PCAT7: variants seen among roughly 807,000 people sequenced by gnomAD.
PCAT7 encodes the protein prostate cancer associated transcript 7 (non-protein coding).
intron 3 of PCAT7, among the ~76,000 whole-genome samples, chr9:94,573,286 T>C (rs905614776): frequency 3.3e-5 from 5 of 152,194 alleles, no homozygotes; most frequent in African/African-American, 1.2e-4. Context: ...AGAGACAGGG[T>C]CTTGCTCTGT....
rs1459789430 is a variant in PCAT7, at chr9:94,558,838, C to G, written n.258-131C>G. 2.6e-6 allele frequency: 3 copies of G among 1,135,628 alleles called. No individual in the cohort carries two copies. The Admixed American group carries it at 6.2e-5, about 23-fold the overall frequency. 70.3% of individuals were successfully genotyped at this position (1,135,628 alleles called of 1,614,324 possible). A position where few individuals can be genotyped will look rare whatever the true frequency, so the allele number is the denominator to read the frequency against. Reference sequence around the variant, plus strand: ...TTCTGTATGTGATTAAGTGGATTTACCTTTTGTATACTCATAGCTACCATC... The same window carrying G: ...TTCTGTATGTGATTAAGTGGATTTAGCTTTTGTATACTCATAGCTACCATC... On this transcript the variant is annotated intron_variant and non_coding_transcript_variant, in intron 1 of 8. Transcript: ENST00000647389.
intron 2 of PCAT7, chr9:94,563,478 G>C: frequency 6.2e-7 from 1 of 1,610,796 alleles, no homozygotes; most frequent in South Asian, 1.1e-5. Flanking sequence ...GACAGAAAGC[G>C]AAGAGACAAG....
At chr9:94,567,704 C>T (rs753676812) in intron 2 of PCAT7, 35 of 326,646 alleles carry the variant, frequency 1.1e-4, no homozygotes, top group Non-Finnish European at 1.6e-4. Flanking sequence ...TGAGGCTCCT[C>T]ATTTATGGTG....
intron 2 of PCAT7, chr9:94,568,510 C>T (rs1251757938): frequency 6.6e-6 from 1 of 152,144 alleles, no homozygotes; most frequent in Admixed American, 6.5e-5. Context: ...GAAACCAGAT[C>T]CATTTTGATG....
chr9:94,568,101 C>G (rs1016363940), intron 2 of PCAT7: 1 of 142,302 alleles, frequency 7.0e-6, no homozygotes, highest in African/African-American at 2.6e-5. Context: ...GCACTCCAGC[C>G]TGGATGACAG....
In PCAT7 at chr9:94,555,676, G is replaced by C. The variant is rs573212311; in HGVS notation, n.257+366G>C. On this transcript the variant is annotated intron_variant and non_coding_transcript_variant, in intron 1 of 8. Coordinates refer to ENST00000647389, the Ensembl canonical transcript of PCAT7. The stretch of plus-strand genomic sequence containing the variant: ...TTGGGTAGAGGAGCAAAAGAAGATA[G>C]CAAGTGGGAGAAGGAAAAAGAGGGT... Among the ~76,000 whole-genome samples, 33 of 151,620 alleles carry C rather than the reference G, an allele frequency of 2.2e-4. 1 individual carries two copies. The highest frequency in any genetic ancestry group is 7.5e-4 in the African/African-American group (31 of 41,340).
At chr9:94,560,432 C>G (rs1290482461) in intron 2 of PCAT7, among the ~76,000 whole-genome samples, 1 of 152,118 alleles carries the variant, frequency 6.6e-6, no homozygotes, top group Non-Finnish European at 1.5e-5. Context: ...AACACACACC[C>G]CCATCACCTT....
At chr9:94,573,467 C>T (rs1230331873) in intron 3 of PCAT7, among the ~76,000 whole-genome samples, 3 of 152,172 alleles carry the variant, frequency 2.0e-5, no homozygotes, top group Non-Finnish European at 2.9e-5. Context: ...CTATGTTGCC[C>T]AGGCTGGTCT....
exon 2 of PCAT7, chr9:94,559,137 G>A: frequency 6.2e-7 from 1 of 1,607,450 alleles, no homozygotes; most frequent in East Asian, 2.2e-5. Context: ...CCGGAGCTGT[G>A]GAGGAACAGA....
intron 2 of PCAT7, among the ~76,000 whole-genome samples, chr9:94,571,115 G>A (rs1827264193): frequency 6.6e-6 from 1 of 152,166 alleles, no homozygotes; most frequent in African/African-American, 2.4e-5. Flanking sequence ...CTGCTCTAAC[G>A]AACCCATGCT....
intron 2 of PCAT7, chr9:94,569,848 C>T (rs1237034123): frequency 3.3e-5 from 5 of 152,258 alleles, no homozygotes; most frequent in Non-Finnish European, 7.3e-5. Context: ...TGCAATCCCA[C>T]AGACCTCACA....
Position 94,559,187 on chromosome 9 carries a change from G to T in PCAT7, n.441+35G>T. 6 of 1,510,102 alleles carry T rather than the reference G, an allele frequency of 4.0e-6. No individual in the cohort carries two copies. In the South Asian group the frequency reaches 4.7e-5, roughly 12 times the overall value. The allele number at this position is 1,510,102 out of a possible 1,614,324, so 93.5% of individuals were successfully genotyped here. ...CTCTGCAAGTGGCCAAATGTCCCGAGCCATGCCCCTAAAGCTGGGGGAGGA... is the reference window on the plus strand; with the variant it reads ...CTCTGCAAGTGGCCAAATGTCCCGATCCATGCCCCTAAAGCTGGGGGAGGA... On this transcript the variant is annotated intron_variant and non_coding_transcript_variant, in intron 2 of 8. Transcript: ENST00000647389.
intron 2 of PCAT7, among the ~76,000 whole-genome samples, chr9:94,565,818 C>CGAGGGCAG (rs1827181013): frequency 6.6e-6 from 1 of 151,752 alleles, no homozygotes; most frequent in Non-Finnish European, 1.5e-5. Context: ...AGGGAGGGAG[C>CGAGGGCAG]GAGGGCAGGA....
intron 1 of PCAT7, among the ~76,000 whole-genome samples, chr9:94,557,472 G>A (rs1322400430): frequency 1.3e-5 from 2 of 152,130 alleles, no homozygotes; most frequent in African/African-American, 4.8e-5. Flanking sequence ...AAATTTTTTG[G>A]TTGTGTAATA....
intron 2 of PCAT7, chr9:94,570,401 T>G (rs1827255183): frequency 6.6e-6 from 1 of 152,246 alleles, no homozygotes; most frequent in African/African-American, 2.4e-5. Flanking sequence ...ACGCCTCACT[T>G]TCCCCATCTG....
At chr9:94,570,438 C>T (rs558811883) in intron 2 of PCAT7, 19 of 152,322 alleles carry the variant, frequency 1.2e-4, no homozygotes, top group Middle Eastern at 3.4e-3. Context: ...TAGGACATAT[C>T]TCATAGGGCC....
intron 2 of PCAT7, chr9:94,563,231 C>T: frequency 8.0e-7 from 1 of 1,244,022 alleles, no homozygotes; most frequent in Non-Finnish European, 1.1e-6. Context: ...CCTGCCCATC[C>T]CCACACAGAC....
intron 1 of PCAT7, chr9:94,558,644 C>G: frequency 2.8e-6 from 1 of 356,674 alleles, no homozygotes; most frequent in Non-Finnish European, 5.2e-6. Flanking sequence ...ATGCAGCCGC[C>G]AATTATGTGG....
At chr9:94,562,138 C>A (rs938745517) in intron 2 of PCAT7, among the ~76,000 whole-genome samples, 3 of 151,656 alleles carry the variant, frequency 2.0e-5, no homozygotes, top group Admixed American at 6.6e-5. Context: ...GGTGAAACCC[C>A]GTCTCTACTA....
Sources: allele counts gnomAD v4.1 joint callset (sites outside exome capture counted in the v4.1 genomes callset), GRCh38; gene constraint gnomAD v4.1.1; transcripts MANE v1.5; gene names NCBI Gene and HGNC (gene_info 2026-07-23, HGNC 2026-07-21).